Variants in PCSK7 observed in about 807,000 individuals in gnomAD.
PCSK7 encodes lymphoma proprotein convertase.
PCSK7 carries 38 observed loss-of-function variants against 73.3 expected under a neutral mutation model. The ratio of observed to expected loss-of-function variants is 0.52; its 90% CI spans 0.40 to 0.68. The LOEUF is 0.68. PCSK7 is among the 30% of genes least tolerant of loss of function. The pLI, the probability that PCSK7 is intolerant of heterozygous loss-of-function variation, is 0.00. For synonymous variants in PCSK7, 296 were observed against 383.8 expected (o/e 0.77, Z 2.68); for missense variants, 692 against 991.5 (o/e 0.70, Z 4.06).
chr11:117,212,414 T>G (rs1417776792), intron 12 of PCSK7: 2 of 148,392 alleles, frequency 1.3e-5, no homozygotes, highest in Non-Finnish European at 3.0e-5. Context: ...CTTTTTTTTT[T>G]TTTTTTTTTG....
At chr11:117,212,173 C>T (rs1226067438) in intron 12 of PCSK7, 1 of 151,792 alleles carries the variant, frequency 6.6e-6, no homozygotes, top group African/African-American at 2.4e-5. Context: ...AGATCTACTC[C>T]CCAGAAGCAA....
intron 12 of PCSK7, chr11:117,215,364 T>TTTTTTTTTTTTTGTGTGTGTGTGTG (rs57433360): frequency 1.2e-5 from 1 of 84,920 alleles, no homozygotes; most frequent in Non-Finnish European, 2.0e-5. Context: ...CCTGGCTAAT[T>TTTTTTTTTTTTTGTGTGTGTGTGTG]TGTGTGTGTG....
Position 117,204,589 on chromosome 11 carries a change from C to T in PCSK7, c.*1408G>A. 1 of 654,486 alleles carries T rather than the reference C, an allele frequency of 1.5e-6. No individual in the cohort carries two copies. The highest frequency in any genetic ancestry group is 2.7e-6 in the Non-Finnish European group (1 of 365,492). The allele number at this position is 654,486 out of a possible 1,614,324, so 40.5% of individuals were successfully genotyped here. On this transcript the variant is annotated 3_prime_UTR_variant, in exon 17 of 17. Transcript: ENST00000320934. The stretch of plus-strand genomic sequence containing the variant: ...TGCCTTGGCCCCTCCCTCCCGGCTG[C>T]CCCCATCACCTCTACTGTCTCCTCC...
intron 5 of PCSK7, 120 bp from the exon 6 acceptor site, chr11:117,226,141 C>CTT (rs11419279): frequency 0.051 from 29,375 of 571,626 alleles, 242 homozygotes; most frequent in East Asian, 0.084. Context: ...GTACATTTTG[C>CTT]TTTTTTTTTT....
intron 8 of PCSK7, 192 bp from the exon 9 acceptor site, chr11:117,223,500 A>G: frequency 1.7e-6 from 1 of 585,540 alleles, no homozygotes; most frequent in Non-Finnish European, 3.1e-6. Context: ...GGCAGAGGGC[A>G]TTCTGTGCCG....
In PCSK7 at chr11:117,218,767, G is replaced by C; in HGVS notation, c.1432-199C>G. 1.8e-6 allele frequency: 1 copy of C among 566,830 alleles called. No individual in the cohort carries two copies. The highest frequency in any genetic ancestry group is 2.9e-5 in the East Asian group (1 of 34,620). The allele number at this position is 566,830 out of a possible 1,614,324, so 35.1% of individuals were successfully genotyped here. Reference sequence around the variant, plus strand: ...CGTACAGCCCCCAGCTAAGGAACCAGAGGAAACAGCTGTGTCCAGGGTGGA... The same window carrying C: ...CGTACAGCCCCCAGCTAAGGAACCACAGGAAACAGCTGTGTCCAGGGTGGA... On this transcript the variant is annotated intron_variant, in intron 11 of 16. Coordinates refer to ENST00000320934, the MANE Select transcript of PCSK7 (RefSeq NM_004716.4). The surrounding 1 kb of genome is among the most constrained non-coding windows in gnomAD (Gnocchi z 4.0).
chr11:117,227,195 A>C lies in PCSK7; in HGVS notation c.731T>G (p.Phe244Cys), dbSNP rs1344754635. The C allele has an allele frequency of 3.7e-6, 6 of 1,610,628 alleles. No individual in the cohort carries two copies. Among genetic ancestry groups the C allele is most frequent in the Admixed American group, 1.7e-5 (1 of 59,462 alleles). The change falls in exon 5 of 17, where the codon TTC becomes TGC. Residue 244 changes from phenylalanine to cysteine, a missense_variant. Transcript: ENST00000320934. ...GEIAAVPNNS[F>C]CAVGVAYGSR... Reference sequence around the variant, plus strand: ...CCCGTAGGCCACGCCCACGGCACAGAAGCTGTTGTTGGGCACAGCCGCGAT... The same window carrying C: ...CCCGTAGGCCACGCCCACGGCACAGCAGCTGTTGTTGGGCACAGCCGCGAT...
intron 9 of PCSK7, 184 bp from the exon 10 acceptor site, chr11:117,219,942 A>T: frequency 4.3e-6 from 2 of 468,760 alleles, no homozygotes; most frequent in Non-Finnish European, 7.6e-6. Context: ...TTTAAAAAAT[A>T]AAAAAAGAAT....
intron 12 of PCSK7, chr11:117,210,054 G>A (rs2031651316): frequency 1.3e-5 from 2 of 152,278 alleles, no homozygotes; most frequent in Admixed American, 6.5e-5. Flanking sequence ...AGTTATGCAA[G>A]GCTACATGTG....
chr11:117,214,091 G>A (rs1424139384), intron 12 of PCSK7: 1 of 151,320 alleles, frequency 6.6e-6, no homozygotes, highest in Non-Finnish European at 1.5e-5. Context: ...CGAGTAGCTG[G>A]GACTACAGGA....
chr11:117,210,212 G>A (rs1333815227), intron 12 of PCSK7: 1 of 152,152 alleles, frequency 6.6e-6, no homozygotes, highest in Non-Finnish European at 1.5e-5. Context: ...TTAAGATTGG[G>A]AGAAGGGTGC....
intron 9 of PCSK7, chr11:117,221,733 T>C (rs977558868): frequency 3.3e-5 from 5 of 152,202 alleles, no homozygotes; most frequent in Non-Finnish European, 7.3e-5. Flanking sequence ...AGAGTGACAA[T>C]TATGTTGTAG....
chr11:117,223,348 G>A (rs757547548), intron 8 of PCSK7, 40 bp from the exon 9 acceptor site: 58 of 1,225,716 alleles, frequency 4.7e-5, no homozygotes, highest in Non-Finnish European at 6.8e-5. Flanking sequence ...AGATGCAGAG[G>A]GGGTCCTGTG....
chr11:117,229,329 G>T, intron 3 of PCSK7, 48 bp downstream of exon 3: 2 of 1,407,248 alleles, frequency 1.4e-6, no homozygotes, highest in Non-Finnish European at 2.0e-6. Context: ...TAAAGAACTG[G>T]ACTGGAACCT....
chr11:117,204,725 CT>C lies in PCSK7; in HGVS notation c.*1271del. On this transcript the variant is annotated 3_prime_UTR_variant, in exon 17 of 17. Transcript: ENST00000320934. ...AAGAAGAACCAGCCCAGCCTGCCCCCTATCTTGTCCTGGAATATTTTTGGGG... is the reference window on the plus strand; with the variant it reads ...AAGAAGAACCAGCCCAGCCTGCCCCCATCTTGTCCTGGAATATTTTTGGGG... The C allele has an allele frequency of 3.1e-6, 1 of 318,712 alleles. No individual in the cohort carries two copies. Among genetic ancestry groups the C allele is most frequent in the Non-Finnish European group, 6.0e-6 (1 of 166,996 alleles). The allele number at this position is 318,712 out of a possible 1,614,324, so 19.7% of individuals were successfully genotyped here.
At chr11:117,228,701 A>C (rs2032525227) in intron 3 of PCSK7, among the ~76,000 whole-genome samples, 1 of 151,172 alleles carries the variant, frequency 6.6e-6, no homozygotes, top group African/African-American at 2.4e-5. Flanking sequence ...GCTCACTGCA[A>C]GCTCCGCCTC....
intron 6 of PCSK7, chr11:117,224,958 G>C: frequency 1.7e-6 from 1 of 575,374 alleles, no homozygotes; most frequent in Non-Finnish European, 3.1e-6. Flanking sequence ...AGTGTGCTAA[G>C]GCTCTTCTTT....
chr11:117,205,061 G>A lies in PCSK7; in HGVS notation c.*936C>T, dbSNP rs148609450. 88 of 216,490 alleles carry A rather than the reference G, an allele frequency of 4.1e-4. No individual in the cohort carries two copies. In the Middle Eastern group the frequency reaches 7.3e-3, roughly 18 times the overall value. The allele number at this position is 216,490 out of a possible 1,614,324, so 13.4% of individuals were successfully genotyped here. A position where few individuals can be genotyped will look rare whatever the true frequency, so the allele number is the denominator to read the frequency against. The stretch of plus-strand genomic sequence containing the variant: ...GGAGACAGAGGAAAGGAGAGATTGC[G>A]AGTGGCAGAATTGTTTGGAAGGTTT... On this transcript the variant is annotated 3_prime_UTR_variant, in exon 17 of 17. Transcript: ENST00000320934.
chr11:117,225,756 A>C lies in PCSK7; in HGVS notation c.860+175T>G, dbSNP rs1026617447. ...TGATTACGGGGGTGACGGGGGCTTA[A>C]GGTTGAGTGCCCAGTGGCTGGGAAT... On this transcript the variant is annotated intron_variant, in intron 6 of 16. Coordinates refer to ENST00000320934, the MANE Select transcript of PCSK7 (RefSeq NM_004716.4). The C allele has an allele frequency of 4.2e-5, 26 of 625,066 alleles. No homozygotes were observed. The East Asian group carries it at 6.5e-4, about 16-fold the overall frequency. 38.7% of individuals were successfully genotyped at this position (625,066 alleles called of 1,614,324 possible).
Sources: allele counts gnomAD v4.1 joint callset (sites outside exome capture counted in the v4.1 genomes callset), GRCh38; gene constraint gnomAD v4.1.1; non-coding constraint Gnocchi (gnomAD v3.1); transcripts MANE v1.5; gene names NCBI Gene and HGNC (gene_info 2026-07-23, HGNC 2026-07-21).